RBM47: variants seen among roughly 807,000 people sequenced by gnomAD.
RBM47 encodes the protein RNA-binding protein 47.
A neutral mutation model predicts 47.1 loss-of-function variants in RBM47; 21 were observed. The observed-to-expected ratio is 0.45, with a 90% CI of 0.32 to 0.64. RBM47 has a LOEUF of 0.64. Ranked by LOEUF, RBM47 falls within the 30% of genes least tolerant of loss-of-function variation. The probability of loss-of-function intolerance (pLI) is 0.05; values close to 1 mark genes in which losing one functional copy is unlikely to be tolerated. For synonymous variants in RBM47, 375 were observed against 361.7 expected (o/e 1.04, Z -0.42); for missense variants, 708 against 870.9 (o/e 0.81, Z 2.35).
At chr4:40,525,021 C>T (rs1726557579) in intron 2 of RBM47, among the ~76,000 whole-genome samples, 1 of 152,068 alleles carries the variant, frequency 6.6e-6, no homozygotes, top group African/African-American at 2.4e-5. Context: ...TTTTTATGAT[C>T]CAGTATGGGG....
upstream of RBM47, chr4:40,630,322 C>T (rs941966147): frequency 5.9e-5 from 9 of 152,658 alleles, no homozygotes; most frequent in African/African-American, 2.2e-4. Context: ...AATTAGGAAC[C>T]TGCTGCTGAA....
intron 1 of RBM47, among the ~76,000 whole-genome samples, chr4:40,574,585 C>A (rs56290506): frequency 0.31 from 47,502 of 152,062 alleles, 7,683 homozygotes; most frequent in Admixed American, 0.37. Context: ...TGTGGTGGCT[C>A]ACGCCTGTAA....
Position 40,438,535 on chromosome 4 carries a change from T to C in RBM47, c.359A>G (p.His120Arg), listed in dbSNP as rs62639979. The C allele has an allele frequency of 3.5e-4, 566 of 1,613,668 alleles. No individual in the cohort carries two copies. The highest frequency in any genetic ancestry group is 4.7e-4 in the Non-Finnish European group (549 of 1,179,924). ...NRGYAFVMYC[H>R]KHEAKRAVRE... ...CACTGCGCGCTTGGCCTCGTGCTTG[T>C]GGCAGTACATGACGAAGGCGTAGCC... The change falls in exon 4 of 7, where the codon CAC becomes CGC. Residue 120 changes from histidine to arginine, a missense_variant. His to Arg is a conservative substitution (Grantham distance 29). Transcript: ENST00000295971.
At chr4:40,450,533 C>T (rs563361063) in intron 3 of RBM47, among the ~76,000 whole-genome samples, 46 of 151,956 alleles carry the variant, frequency 3.0e-4, no homozygotes, top group Middle Eastern at 6.8e-3. Context: ...ACCTGGGAGG[C>T]GGAGGTTGCA....
At chr4:40,506,996 G>A (rs1465878337) in intron 2 of RBM47, among the ~76,000 whole-genome samples, 4 of 152,046 alleles carry the variant, frequency 2.6e-5, no homozygotes, top group Non-Finnish European at 4.4e-5. Context: ...CTGCTCTGTC[G>A]CCCAGGCTGG....
At chr4:40,479,617 A>T (rs144091380) in intron 2 of RBM47, among the ~76,000 whole-genome samples, 241 of 151,584 alleles carry the variant, frequency 1.6e-3, no homozygotes, top group Admixed American at 0.011. Context: ...TAAATAAATA[A>T]ATATATAAAT....
At chr4:40,589,972 C>T (rs79636772) in intron 1 of RBM47, among the ~76,000 whole-genome samples, 8,518 of 151,772 alleles carry the variant, frequency 0.056, 394 homozygotes, top group Non-Finnish European at 0.069. Context: ...TTCCCCTTAA[C>T]GCCTATTAGA....
At chr4:40,605,163 C>T (rs1022475864) in intron 1 of RBM47, among the ~76,000 whole-genome samples, 5 of 151,322 alleles carry the variant, frequency 3.3e-5, no homozygotes, top group Non-Finnish European at 7.4e-5. Flanking sequence ...GCTGGGATTA[C>T]AGGCACCCGC....
chr4:40,431,534 T>C (rs1716025239), intron 6 of RBM47, among the ~76,000 whole-genome samples: 1 of 151,960 alleles, frequency 6.6e-6, no homozygotes, highest in Non-Finnish European at 1.5e-5. Context: ...GGCGTGCGCC[T>C]GTAGTCCCAG....
intron 1 of RBM47, among the ~76,000 whole-genome samples, chr4:40,547,512 C>G (rs1317590510): frequency 6.6e-6 from 1 of 152,150 alleles, no homozygotes; most frequent in Non-Finnish European, 1.5e-5. Context: ...CCTCCACAAC[C>G]ATGAGAAAAT....
intron 2 of RBM47, among the ~76,000 whole-genome samples, chr4:40,514,304 T>C (rs1330101996): frequency 6.6e-6 from 1 of 152,084 alleles, no homozygotes; most frequent in East Asian, 1.9e-4. Context: ...ATTACACACA[T>C]GTCCCTCTAG....
Position 40,429,080 on chromosome 4 carries a change from G to A in RBM47, c.1543-2937C>T, listed in dbSNP as rs565483479. On this transcript the variant is annotated intron_variant, in intron 6 of 6. Coordinates refer to ENST00000295971, the MANE Select transcript of RBM47 (RefSeq NM_001098634.2). ...CATGTCATCCCTCTCCATCCTGCCC[G>A]GGACACCAATCATCCCTTTGTCCAG... Among the ~76,000 whole-genome samples the A allele has an allele frequency of 9.9e-5, 15 of 151,990 alleles. No homozygotes were observed. The South Asian group carries it at 2.7e-3, about 27-fold the overall frequency.
At chr4:40,494,960 A>C (rs1485498641) in intron 2 of RBM47, among the ~76,000 whole-genome samples, 2 of 152,038 alleles carry the variant, frequency 1.3e-5, no homozygotes, top group African/African-American at 4.8e-5. Flanking sequence ...TTGATTCCTT[A>C]AGCTATTTTT....
chr4:40,437,237 C>A, intron 4 of RBM47, among the ~76,000 whole-genome samples: 1 of 145,412 alleles, frequency 6.9e-6, no homozygotes, highest in African/African-American at 2.5e-5. Context: ...ATTTGCTGGT[C>A]CACCTTCCTC....
chr4:40,551,449 T>C (rs1179495553), intron 1 of RBM47, among the ~76,000 whole-genome samples: 1 of 152,110 alleles, frequency 6.6e-6, no homozygotes, highest in Non-Finnish European at 1.5e-5. Flanking sequence ...TCCCAAGATA[T>C]CTTTGTACAA....
At chr4:40,569,268 G>A (rs1049344447) in intron 1 of RBM47, among the ~76,000 whole-genome samples, 1 of 151,824 alleles carries the variant, frequency 6.6e-6, no homozygotes, top group African/African-American at 2.4e-5. Flanking sequence ...AAACAACTAC[G>A]CTTATTATAC....
chr4:40,536,474 G>A lies in RBM47; in HGVS notation c.-155+7948C>T, dbSNP rs1273476867. Among the ~76,000 whole-genome samples the A allele has an allele frequency of 2.6e-5, 4 of 152,230 alleles. No individual in the cohort carries two copies. In the East Asian group the frequency reaches 5.8e-4, roughly 22 times the overall value. ...TGGAGTATTCTCTTTGCTTTCTAGA[G>A]CATTAAATACCATCCTACAAAGCAT... On this transcript the variant is annotated intron_variant, in intron 2 of 6. Transcript: ENST00000295971.
chr4:40,480,915 C>A (rs1720298851), intron 2 of RBM47, among the ~76,000 whole-genome samples: 1 of 152,078 alleles, frequency 6.6e-6, no homozygotes, highest in South Asian at 2.1e-4. Flanking sequence ...AGTCACATAT[C>A]ATGTGTAACA....
intron 2 of RBM47, among the ~76,000 whole-genome samples, chr4:40,509,743 AGGCGT>A (rs200406469): frequency 0.035 from 5,333 of 151,062 alleles, 113 homozygotes; most frequent in Non-Finnish European, 0.052. Flanking sequence ...AAAATTCTCC[AGGCGT>A]GGTGGCGGGC....
Sources: gnomAD v4.1 joint callset for allele counts (sites outside exome capture counted in the v4.1 genomes callset) on GRCh38, gnomAD v4.1.1 for gene constraint, MANE v1.5 for transcripts, NCBI Gene and HGNC (gene_info 2026-07-23, HGNC 2026-07-21) for gene names.